The following OPRM1 variants were observed in gnomAD, a reference collection of about 807,000 sequenced individuals.
The protein encoded by OPRM1 is mu-type opioid receptor.
Under a neutral mutation model 31.8 loss-of-function variants are expected in OPRM1, and 27 were observed. The observed-to-expected ratio is 0.85, with a 90% CI of 0.63 to 1.17. OPRM1 has a LOEUF of 1.17. Among genes scored for constraint, OPRM1 ranks in the 50% most tolerant of loss-of-function variants. The probability of loss-of-function intolerance (pLI) is 0.00; values close to 1 mark genes in which losing one functional copy is unlikely to be tolerated. For synonymous variants in OPRM1, 196 were observed against 189.9 expected (o/e 1.03, Z -0.26); for missense variants, 536 against 511.1 (o/e 1.05, Z -0.47).
chr6:154,240,678 G>A (rs1035399050), intron 3 of OPRM1, among the ~76,000 whole-genome samples: 1 of 152,188 alleles, frequency 6.6e-6, no homozygotes, highest in Non-Finnish European at 1.5e-5. Context: ...TCATAAAACT[G>A]ATTTCAAGAA....
chr6:154,192,764 G>A (rs187227498), intron 3 of OPRM1, among the ~76,000 whole-genome samples: 2 of 152,226 alleles, frequency 1.3e-5, no homozygotes, highest in Non-Finnish European at 2.9e-5. Flanking sequence ...ACGAAGAAAT[G>A]TTCAATTAGT....
upstream of OPRM1, among the ~76,000 whole-genome samples, chr6:154,034,526 C>A (rs1039491852): frequency 2.0e-5 from 3 of 151,530 alleles, no homozygotes; most frequent in African/African-American, 7.3e-5. Context: ...CCAGCCTGGG[C>A]GACAGAGTGA....
intron 3 of OPRM1, among the ~76,000 whole-genome samples, chr6:154,149,038 G>C (rs907738627): frequency 3.3e-5 from 5 of 152,134 alleles, no homozygotes; most frequent in African/African-American, 1.2e-4. Flanking sequence ...AATGGTTATA[G>C]GTTCCTTTGG....
intron 3 of OPRM1, among the ~76,000 whole-genome samples, chr6:154,164,484 G>C (rs889295529): frequency 6.6e-6 from 1 of 152,202 alleles, no homozygotes; most frequent in African/African-American, 2.4e-5. Context: ...GCCTCATCCA[G>C]CAGCCCAGCT....
chr6:154,150,660 C>T (rs543065152), intron 3 of OPRM1, among the ~76,000 whole-genome samples: 1 of 152,352 alleles, frequency 6.6e-6, no homozygotes, highest in African/African-American at 2.4e-5. Flanking sequence ...TGGGGATTCA[C>T]ATTTCTCAAG....
chr6:154,171,945 A>G (rs1008986264), intron 3 of OPRM1, among the ~76,000 whole-genome samples: 1 of 152,218 alleles, frequency 6.6e-6, no homozygotes, highest in African/African-American at 2.4e-5. Context: ...TTTTGAATTA[A>G]GGAATATATG....
At position 154,064,745 on chromosome 6, in the gene OPRM1, T is replaced by C. The variant is rs116193204; in HGVS notation, c.290+24911T>C. On this transcript the variant is annotated intron_variant, in intron 1 of 3. Coordinates refer to ENST00000330432, the MANE Select transcript of OPRM1 (RefSeq NM_000914.5). ...TCCCAACACCATTTGTTGAAAAGAC[T>C]GTTCTTTCTCCATTGAAAGGTCTTG... Among the ~76,000 whole-genome samples, 897 of 152,322 alleles carry C rather than the reference T, an allele frequency of 5.9e-3. 6 individuals carry two copies. Among genetic ancestry groups the C allele is most frequent in the African/African-American group, 0.021 (855 of 41,586 alleles).
intron 3 of OPRM1, among the ~76,000 whole-genome samples, chr6:154,229,395 G>GCTGGA (rs1779534440): frequency 1.4e-5 from 2 of 143,884 alleles, no homozygotes; most frequent in Non-Finnish European, 3.0e-5. Context: ...TGTCGCCCAG[G>GCTGGA]CTGGACTGCA....
At chr6:154,087,162 C>G (rs1457871993) in intron 1 of OPRM1, 1 of 985,260 alleles carries the variant, frequency 1.0e-6, no homozygotes, top group South Asian at 4.7e-5. Context: ...AAATGTGGAG[C>G]TTTTCTGGCA....
At chr6:154,030,272 T>C (rs1284050984) in intron 1 of OPRM1, among the ~76,000 whole-genome samples, 3 of 152,216 alleles carry the variant, frequency 2.0e-5, no homozygotes, top group Non-Finnish European at 4.4e-5. Context: ...TTTTTGCTCT[T>C]GAGGTTCTAA....
chr6:154,222,799 C>T (rs1176990976), intron 3 of OPRM1, among the ~76,000 whole-genome samples: 4 of 152,212 alleles, frequency 2.6e-5, no homozygotes, highest in African/African-American at 9.7e-5. Context: ...GCTGGTCTTG[C>T]TGGCGTATCT....
intron 3 of OPRM1, among the ~76,000 whole-genome samples, chr6:154,171,153 A>T (rs1234032148): frequency 6.6e-6 from 1 of 152,198 alleles, no homozygotes; most frequent in Non-Finnish European, 1.5e-5. Flanking sequence ...ATTCACACAA[A>T]AATTGTACAT....
At chr6:154,064,969 G>A (rs1383368533) in intron 1 of OPRM1, among the ~76,000 whole-genome samples, 2 of 152,014 alleles carry the variant, frequency 1.3e-5, no homozygotes, top group Non-Finnish European at 2.9e-5. Flanking sequence ...TTTGGCCATA[G>A]TGTTTAACTT....
chr6:154,108,272 T>C, intron 3 of OPRM1: 2 of 345,802 alleles, frequency 5.8e-6, no homozygotes, highest in Non-Finnish European at 1.0e-5. Context: ...CCAGATGGGT[T>C]CCATCATCTT....
rs117848860 is a variant in OPRM1 at position 154,080,440 on chromosome 6, C to G, written c.291-9386C>G. ...TGATAAAAACCAGATCCTCTACTTA[C>G]AAAAATGTGTGTACGATGATTAAAA... On this transcript the variant is annotated intron_variant, in intron 1 of 3. Transcript: ENST00000330432. Among the ~76,000 whole-genome samples the G allele has an allele frequency of 4.8e-4, 73 of 152,324 alleles. 1 individual carries two copies. In the East Asian group the frequency reaches 9.6e-3, roughly 20 times the overall value.
rs559942171 is a variant in OPRM1, at chr6:154,196,645, T to G, written c.1165-50048T>G. 2.3e-3 allele frequency among the ~76,000 whole-genome samples: 355 copies of G among 152,310 alleles called. 1 individual carries two copies. The highest frequency in any genetic ancestry group is 8.4e-3 in the African/African-American group (348 of 41,558). On this transcript the variant is annotated intron_variant, in intron 3 of 3. Transcript: ENST00000337049. ...TATGTGACTTACTATCACACAGGCA[T>G]AAGTCATGGTTCAAAAAATTTCTAA... is the stretch of plus-strand genomic sequence containing the variant.
intron 3 of OPRM1, among the ~76,000 whole-genome samples, chr6:154,147,886 C>T (rs1427805103): frequency 6.6e-6 from 1 of 152,170 alleles, no homozygotes; most frequent in Non-Finnish European, 1.5e-5. Context: ...TATTTTCACC[C>T]CTTGGTTCCT....
At chr6:154,155,511 T>A (rs1798675430) in intron 3 of OPRM1, 1 of 152,222 alleles carries the variant, frequency 6.6e-6, no homozygotes. Context: ...AAATACTGTC[T>A]TTCGGCCAGG....
chr6:154,099,107 C>T (rs1430097447), intron 3 of OPRM1, among the ~76,000 whole-genome samples: 1 of 151,944 alleles, frequency 6.6e-6, no homozygotes, highest in Non-Finnish European at 1.5e-5. Context: ...TGACGAAAGT[C>T]GATCTCTGCA....
Sources: allele counts gnomAD v4.1 joint callset (sites outside exome capture counted in the v4.1 genomes callset), GRCh38; gene constraint gnomAD v4.1.1; transcripts MANE v1.5; gene names NCBI Gene and HGNC (gene_info 2026-07-23, HGNC 2026-07-21).